The following SARDH variants were observed in gnomAD, a reference collection of about 807,000 sequenced individuals.
SARDH encodes the protein sarcosine dehydrogenase, also known as sarcosine dehydrogenase, mitochondrial.
In SARDH, 95 loss-of-function variants were observed where a neutral mutation model predicts 109.1. That is an observed-to-expected ratio of 0.87 (90% CI 0.74 to 1.03). The LOEUF (loss-of-function observed/expected upper bound fraction) is 1.03, where lower values mean the gene tolerates loss of function less well. SARDH is among the 50% of genes least tolerant of loss of function. SARDH has a pLI of 0.00. For synonymous variants in SARDH, 572 were observed against 534.8 expected, an observed-to-expected ratio of 1.07 and a Z score of -0.96; for missense variants, 1,267 against 1,287.8, an observed-to-expected ratio of 0.98 and a Z score of 0.25.
At position 133,693,973 on chromosome 9, in the gene SARDH, C is replaced by T. The variant is rs978234493; in HGVS notation, c.1921+285G>A. Among the ~76,000 whole-genome samples, 3 of 152,180 alleles carry T rather than the reference C, an allele frequency of 2.0e-5. No homozygotes were observed. Among genetic ancestry groups the T allele is most frequent in the East Asian group, 1.9e-4 (1 of 5,196 alleles). ...ATTGGTACGCTTTGTTCCGGGAAAC[C>T]GAGCCGAGCACGCCCACACTGCAGC... On this transcript the variant is annotated intron_variant, in intron 15 of 20. Transcript: ENST00000439388. This position sits in a 1 kb window ranked among gnomAD's most constrained non-coding sequence, Gnocchi z 5.6.
downstream of SARDH, among the ~76,000 whole-genome samples, chr9:133,662,139 A>G (rs1414057434): frequency 6.6e-6 from 1 of 151,940 alleles, no homozygotes; most frequent in Non-Finnish European, 1.5e-5. This position sits in a 1 kb window ranked among gnomAD's most constrained non-coding sequence, Gnocchi z 5.1. Flanking sequence ...GGAAGCACAC[A>G]GGGGACAGGG....
At position 133,712,046 on chromosome 9, in the gene SARDH, C is replaced by T. The variant is rs1038239259; in HGVS notation, c.1328+573G>A. Among the ~76,000 whole-genome samples, 23 of 152,228 alleles carry T rather than the reference C, an allele frequency of 1.5e-4. No individual in the cohort carries two copies. Among genetic ancestry groups the T allele is most frequent in the African/African-American group, 1.9e-4 (8 of 41,470 alleles). Reference sequence around the variant, plus strand: ...GCCACCAGCACCCCAGTCCATGCCTCGGCTGGGGATGACTTAGCGTTTCCA... The same window carrying T: ...GCCACCAGCACCCCAGTCCATGCCTTGGCTGGGGATGACTTAGCGTTTCCA... On this transcript the variant is annotated intron_variant, in intron 10 of 20. Transcript: ENST00000439388. This position sits in a 1 kb window ranked among gnomAD's most constrained non-coding sequence, Gnocchi z 4.1.
rs1298577047 is a variant in SARDH, at chr9:133,666,199, A to G, written c.2631+536T>C. On this transcript the variant is annotated intron_variant, in intron 20 of 20. Coordinates refer to ENST00000439388, the MANE Select transcript of SARDH (RefSeq NM_001134707.2). This position sits in a 1 kb window ranked among gnomAD's most constrained non-coding sequence, Gnocchi z 5.2. ...CCTGGGGTCAGGGGTGTCGGGGGTG[A>G]GGAAAGAGAGGATAGGAACATGGGT... Among the ~76,000 whole-genome samples the G allele has an allele frequency of 6.6e-6, 1 of 151,320 alleles. No homozygotes were observed. The highest frequency in any genetic ancestry group is 6.6e-5 in the Admixed American group (1 of 15,256).
chr9:133,738,036 C>T (rs1463339331), intron 1 of SARDH, among the ~76,000 whole-genome samples: 1 of 152,222 alleles, frequency 6.6e-6, no homozygotes, highest in African/African-American at 2.4e-5. Context: ...GAGCGCCTGG[C>T]ACCTTCGCCT....
At chr9:133,684,416 C>G (rs915361241) in intron 17 of SARDH, among the ~76,000 whole-genome samples, 1 of 152,256 alleles carries the variant, frequency 6.6e-6, no homozygotes, top group African/African-American at 2.4e-5. Context: ...GTCTGGCACA[C>G]AGGAAGCCCT....
intron 6 of SARDH, among the ~76,000 whole-genome samples, chr9:133,719,715 G>C (rs1204051404): frequency 7.0e-6 from 1 of 142,076 alleles, no homozygotes; most frequent in Non-Finnish European, 1.5e-5. Context: ...GTTGACACCA[G>C]GGTCTCTCTA....
chr9:133,660,046 C>T (rs188638478), downstream of SARDH, among the ~76,000 whole-genome samples: 5 of 151,964 alleles, frequency 3.3e-5, no homozygotes, highest in East Asian at 3.9e-4. Flanking sequence ...CCTGCCACAG[C>T]GACAACCCCA....
At chr9:133,735,583 G>A (rs963993907) in intron 1 of SARDH, among the ~76,000 whole-genome samples, 11 of 152,218 alleles carry the variant, frequency 7.2e-5, no homozygotes, top group Non-Finnish European at 1.2e-4. Context: ...CAGCCTCCAC[G>A]TTTGCACTGT....
At chr9:133,738,902 A>G (rs962356306), upstream of SARDH, among the ~76,000 whole-genome samples, 1 of 151,858 alleles carries the variant, frequency 6.6e-6, no homozygotes, top group Non-Finnish European at 1.5e-5. Context: ...GAGCTCCCAG[A>G]CCCCTCTGGT....
At position 133,728,673 on chromosome 9, in the gene SARDH, C is replaced by T. The variant is rs1832573601; in HGVS notation, c.915+1092G>A. Among the ~76,000 whole-genome samples, 2 of 152,218 alleles carry T rather than the reference C, an allele frequency of 1.3e-5. No individual in the cohort carries two copies. The highest frequency in any genetic ancestry group is 2.9e-5 in the Non-Finnish European group (2 of 68,046). On this transcript the variant is annotated intron_variant, in intron 6 of 20. Transcript: ENST00000439388. The surrounding 1 kb of genome is among the most constrained non-coding windows in gnomAD (Gnocchi z 5.0). Reference sequence around the variant, plus strand: ...TTGTCTGTACCTCCCCCCAGCTCTACCCAGCAAGAACTAGGTGTCTGTCTG... The same window carrying T: ...TTGTCTGTACCTCCCCCCAGCTCTATCCAGCAAGAACTAGGTGTCTGTCTG...
Position 133,690,525 on chromosome 9 carries a change from C to T in SARDH, c.1924G>A (p.Asp642Asn), listed in dbSNP as rs763009804. Residue 642 changes from aspartate to asparagine, a missense_variant and splice_region_variant, in exon 16 of 21, where the codon GAC becomes AAC. By Grantham distance (23) the Asp-to-Asn change is conservative. Transcript: ENST00000439388. ...ASPLAPAFEGDGYYLAMGGAV... is the reference protein window; with the variant it reads ...ASPLAPAFEGNGYYLAMGGAV... The stretch of plus-strand genomic sequence containing the variant: ...CCGCCCATGGCCAGGTAGTAACCGT[C>T]CCCTGGAAGAGAGGCACCTGGACTT... The T allele has an allele frequency of 1.5e-5, 24 of 1,596,434 alleles. 1 individual carries two copies. In the South Asian group the frequency reaches 2.6e-4, roughly 18 times the overall value.
chr9:133,694,403 C>T (rs906593316), intron 14 of SARDH, 32 bp from the exon 15 acceptor site: 3 of 1,520,306 alleles, frequency 2.0e-6, no homozygotes, highest in African/African-American at 2.8e-5. Context: ...CGGGTCTGTG[C>T]TGAGGCCCCA....
intron 17 of SARDH, among the ~76,000 whole-genome samples, chr9:133,673,625 T>C (rs1414714401): frequency 1.3e-5 from 2 of 152,172 alleles, no homozygotes; most frequent in Admixed American, 6.5e-5. Context: ...CCAGGCCTCC[T>C]AAAAAACTCA....
downstream of SARDH, among the ~76,000 whole-genome samples, chr9:133,661,399 A>G (rs111609917): frequency 0.018 from 2,687 of 151,622 alleles, 89 homozygotes; most frequent in African/African-American, 0.062. Context: ...TCCCATTCAT[A>G]CCCCCAACTT....
intron 17 of SARDH, among the ~76,000 whole-genome samples, chr9:133,683,413 G>A (rs976682894): frequency 5.3e-5 from 8 of 152,342 alleles, no homozygotes; most frequent in African/African-American, 1.7e-4. Flanking sequence ...GGGAGAACCC[G>A]CAGCCCCCCT....
intron 6 of SARDH, among the ~76,000 whole-genome samples, chr9:133,727,523 G>A (rs903788311): frequency 6.6e-6 from 1 of 152,242 alleles, no homozygotes; most frequent in African/African-American, 2.4e-5. Flanking sequence ...CAGGTGGGCA[G>A]GTCAGGGCCA....
intron 6 of SARDH, among the ~76,000 whole-genome samples, chr9:133,725,896 C>T (rs891255831): frequency 3.3e-5 from 5 of 152,122 alleles, no homozygotes; most frequent in African/African-American, 7.2e-5. Flanking sequence ...CAGGGAGATA[C>T]GACCCCTGTC....
intron 1 of SARDH, among the ~76,000 whole-genome samples, chr9:133,734,436 T>C (rs555522988): frequency 7.7e-5 from 11 of 142,554 alleles, no homozygotes; most frequent in Admixed American, 5.4e-4. Flanking sequence ...CACTCATTCA[T>C]TCACTCATTC....
At chr9:133,664,938 C>T (rs1830009915) in intron 20 of SARDH, among the ~76,000 whole-genome samples, 1 of 152,128 alleles carries the variant, frequency 6.6e-6, no homozygotes, top group African/African-American at 2.4e-5. Flanking sequence ...CTAACAGATA[C>T]CTACGAGGCA....
Sources: gnomAD v4.1 joint callset for allele counts (sites outside exome capture counted in the v4.1 genomes callset) on GRCh38, gnomAD v4.1.1 for gene constraint, Gnocchi (gnomAD v3.1) non-coding constraint, MANE v1.5 for transcripts, NCBI Gene and HGNC (gene_info 2026-07-23, HGNC 2026-07-21) for gene names.